The following ENPP3 variants were observed in gnomAD, a reference collection of about 807,000 sequenced individuals.
ENPP3 encodes ectonucleotide pyrophosphatase/phosphodiesterase family member 3.
A neutral mutation model predicts 117.8 loss-of-function variants in ENPP3; 104 were observed. The ratio of observed to expected loss-of-function variants is 0.88; its 90% CI spans 0.75 to 1.04. The LOEUF is 1.04. Among genes scored for constraint, ENPP3 ranks in the 50% least tolerant of loss-of-function variants. The pLI is 0.00. For synonymous variants in ENPP3, 380 were observed against 349.9 expected, an observed-to-expected ratio of 1.09 and a Z score of -0.96; for missense variants, 1,026 against 1,051.9, an observed-to-expected ratio of 0.98 and a Z score of 0.34.
chr6:131,735,178 TAA>T (rs199881598), intron 21 of ENPP3, among the ~76,000 whole-genome samples: 10 of 147,098 alleles, frequency 6.8e-5, no homozygotes, highest in South Asian at 2.2e-4. Context: ...TCTTGTCAGT[TAA>T]AAAAAAAAAA....
In ENPP3 at chr6:131,666,949, G is replaced by A. The variant is rs563883406; in HGVS notation, c.563-4299G>A. ...CAGCCTTGTTTCTTTGTTGTTAGGGGCCCCAAGTGTCTAGAGTATGCTAGG... is the reference window on the plus strand; with the variant it reads ...CAGCCTTGTTTCTTTGTTGTTAGGGACCCCAAGTGTCTAGAGTATGCTAGG... On this transcript the variant is annotated intron_variant, in intron 6 of 24. Transcript: ENST00000357639. Among the ~76,000 whole-genome samples, 3 of 152,206 alleles carry A rather than the reference G, an allele frequency of 2.0e-5. No individual in the cohort carries two copies. The East Asian group carries it at 5.8e-4, about 29-fold the overall frequency.
intron 15 of ENPP3, among the ~76,000 whole-genome samples, chr6:131,695,725 C>T (rs1779390428): frequency 6.6e-6 from 1 of 151,852 alleles, no homozygotes; most frequent in African/African-American, 2.4e-5. Context: ...ATCAGCCTGG[C>T]CAACATGGTG....
intron 20 of ENPP3, among the ~76,000 whole-genome samples, chr6:131,727,665 A>C (rs1258536964): frequency 2.0e-5 from 3 of 152,200 alleles, no homozygotes; most frequent in Non-Finnish European, 4.4e-5. Flanking sequence ...TCCTCAGCAC[A>C]ATAGAATTGT....
intron 24 of ENPP3, among the ~76,000 whole-genome samples, chr6:131,745,013 T>C (rs928903237): frequency 7.1e-4 from 108 of 152,292 alleles, no homozygotes; most frequent in African/African-American, 2.6e-3. Flanking sequence ...TATAGTTTTG[T>C]GTTATGCTTT....
At chr6:131,679,063 T>C (rs898880834) in intron 11 of ENPP3, among the ~76,000 whole-genome samples, 5 of 134,120 alleles carry the variant, frequency 3.7e-5, no homozygotes, top group African/African-American at 1.2e-4. Flanking sequence ...CTTTCTTTCT[T>C]TCTTTCTTTC....
At chr6:131,661,899 TG>T (rs1407100540) in intron 6 of ENPP3, among the ~76,000 whole-genome samples, 1 of 152,228 alleles carries the variant, frequency 6.6e-6, no homozygotes, top group Non-Finnish European at 1.5e-5. Context: ...CTTTTTGGTT[TG>T]ATATAGTCCT....
At chr6:131,678,917 C>CTTTCTTTCTTTCTT (rs1306967047) in intron 11 of ENPP3, among the ~76,000 whole-genome samples, 1 of 66,508 alleles carries the variant, frequency 1.5e-5, no homozygotes, top group Non-Finnish European at 2.7e-5. Context: ...CTCTTTCTTT[C>CTTTCTTTCTTTCTT]TTTCTTTCTT....
rs1352907019 is a variant in ENPP3, at chr6:131,721,858, AGTT to A, written c.1568-368_1568-366del. On this transcript the variant is annotated intron_variant, in intron 17 of 24. Transcript: ENST00000357639. ...TGGAGAAACAGAAACCATTCATGAA[AGTT>A]CCTCTGGCTCATCTGCAGCAACTGT... Among the ~76,000 whole-genome samples the A allele has an allele frequency of 7.2e-5, 11 of 152,306 alleles. No individual in the cohort carries two copies. In the East Asian group the frequency reaches 2.1e-3, roughly 29 times the overall value.
intron 2 of ENPP3, among the ~76,000 whole-genome samples, chr6:131,648,673 G>A (rs776527580): frequency 1.6e-4 from 24 of 152,282 alleles, no homozygotes; most frequent in Non-Finnish European, 3.4e-4. Flanking sequence ...AACAAGTTGT[G>A]CATAGTTGAA....
chr6:131,675,420 T>G (rs1236602036), intron 9 of ENPP3: 1 of 445,992 alleles, frequency 2.2e-6, no homozygotes, highest in African/African-American at 2.0e-5. Flanking sequence ...GCATTACCAC[T>G]CTGGTTCGAG....
intron 20 of ENPP3, among the ~76,000 whole-genome samples, chr6:131,728,459 A>T (rs1191553527): frequency 6.6e-6 from 1 of 152,156 alleles, no homozygotes; most frequent in Non-Finnish European, 1.5e-5. Context: ...CTTCCTTGTT[A>T]CCAAAAGTTC....
intron 20 of ENPP3, among the ~76,000 whole-genome samples, chr6:131,728,311 G>A (rs574207239): frequency 3.6e-4 from 55 of 152,238 alleles, no homozygotes; most frequent in African/African-American, 1.3e-3. Context: ...GAATGTTTAT[G>A]TTTTTAGTAC....
intron 20 of ENPP3, among the ~76,000 whole-genome samples, chr6:131,732,194 A>C (rs977351899): frequency 5.3e-5 from 8 of 152,248 alleles, no homozygotes; most frequent in African/African-American, 1.9e-4. Context: ...TTTTATTAAG[A>C]AAGATATCCA....
At chr6:131,729,074 C>G (rs956507255) in intron 20 of ENPP3, among the ~76,000 whole-genome samples, 1 of 152,092 alleles carries the variant, frequency 6.6e-6, no homozygotes, top group Admixed American at 6.6e-5. Flanking sequence ...ATGTATCTCT[C>G]GCTCTATTTA....
At chr6:131,675,342 G>A in intron 9 of ENPP3, 153 bp downstream of exon 9, 1 of 587,234 alleles carries the variant, frequency 1.7e-6, no homozygotes. Flanking sequence ...CACTCAAGCA[G>A]TCTCTCAGTA....
chr6:131,682,496 A>AAAAT (rs940073242), intron 11 of ENPP3, among the ~76,000 whole-genome samples: 8 of 152,280 alleles, frequency 5.3e-5, no homozygotes, highest in South Asian at 2.1e-4. Context: ...CCTGTCCCTA[A>AAAAT]AAATAAATAA....
At position 131,738,086 on chromosome 6, in the gene ENPP3, T is replaced by C. The variant is rs1477761338; in HGVS notation, c.2223T>C (p.Asn741=). 1 of 1,604,716 alleles carries C rather than the reference T, an allele frequency of 6.2e-7. No individual in the cohort carries two copies. Among genetic ancestry groups the C allele is most frequent in the Non-Finnish European group, 8.5e-7 (1 of 1,172,850 alleles). The stretch of plus-strand genomic sequence containing the variant: ...TTATAAAACATGCCACAGAAAGAAA[T>C]GGAGTAAATGTGGTTAGTGGACCAA... The part of the protein sequence containing the change: ...VLLIKHATER[N]GVNVVSGPIF... The change falls in exon 23 of 25, where the codon AAT becomes AAC. Residue 741 remains asparagine (N), a synonymous_variant. Transcript: ENST00000357639.
Position 131,720,402 on chromosome 6 carries a change from G to A in ENPP3, c.1567+23G>A, listed in dbSNP as rs73777788. The A allele has an allele frequency of 2.7e-3, 3,455 of 1,269,542 alleles. 41 individuals are homozygous for A. The African/African-American group carries it at 0.034, about 12-fold the overall frequency. The allele number at this position is 1,269,542 out of a possible 1,614,324, so 78.6% of individuals were successfully genotyped here. On this transcript the variant is annotated intron_variant, in intron 17 of 24. Coordinates refer to ENST00000357639, the MANE Select transcript of ENPP3 (RefSeq NM_005021.5). ...GTGGTAAGTATATTTAAATAAGTTC[G>A]CCAACAAAATATGGATAGTTTTAAA...
intron 7 of ENPP3, among the ~76,000 whole-genome samples, chr6:131,673,117 A>G (rs1226373701): frequency 1.3e-5 from 2 of 152,240 alleles, no homozygotes; most frequent in Admixed American, 6.5e-5. Flanking sequence ...AGCACACAAA[A>G]GTTATATTAA....
Sources: allele counts gnomAD v4.1 joint callset (sites outside exome capture counted in the v4.1 genomes callset), GRCh38; gene constraint gnomAD v4.1.1; transcripts MANE v1.5; gene names NCBI Gene and HGNC (gene_info 2026-07-23, HGNC 2026-07-21).